FRMPD4: variants seen among roughly 807,000 people sequenced by gnomAD.
FRMPD4 encodes FERM and PDZ domain containing 4.
In FRMPD4, 22 loss-of-function variants were observed where a neutral mutation model predicts 94.1. The observed-to-expected ratio is 0.23, with a 90% CI of 0.17 to 0.33. The LOEUF (loss-of-function observed/expected upper bound fraction) is 0.33, where lower values mean the gene tolerates loss of function less well. Among genes scored for constraint, FRMPD4 ranks in the 10% least tolerant of loss-of-function variants. The pLI, the probability that FRMPD4 is intolerant of heterozygous loss-of-function variation, is 1.00. For synonymous variants in FRMPD4, 631 were observed against 548.6 expected, an observed-to-expected ratio of 1.15 and a Z score of -2.10; for missense variants, 1,111 against 1,339.9, an observed-to-expected ratio of 0.83 and a Z score of 2.67.
intron 3 of FRMPD4, among the ~76,000 whole-genome samples, chrX:12,133,449 C>G (rs857344): frequency 0.4 from 43,415 of 107,212 alleles, 7,577 homozygotes; most frequent in East Asian, 0.82. Flanking sequence ...TTTTCATATA[C>G]GGTCTCACTC....
chrX:12,287,277 T>C (rs533287582), intron 1 of FRMPD4, among the ~76,000 whole-genome samples: 4 of 111,495 alleles, frequency 3.6e-5, no homozygotes, highest in Middle Eastern at 4.6e-3. Flanking sequence ...GCTAACCAGG[T>C]CCTTGTGAGT....
At chrX:12,230,328 A>G (rs1234930121) in intron 1 of FRMPD4, among the ~76,000 whole-genome samples, 4 of 111,614 alleles carry the variant, frequency 3.6e-5, no homozygotes, top group Non-Finnish European at 7.5e-5. Flanking sequence ...AAACATGACC[A>G]TGCCAGTAAT....
chrX:12,678,215 C>A (rs1028713350), intron 5 of FRMPD4, among the ~76,000 whole-genome samples: 1 of 112,535 alleles, frequency 8.9e-6, no homozygotes, highest in Non-Finnish European at 1.9e-5. Context: ...CCTTAACCAA[C>A]CCCCATCACT....
chrX:12,181,541 A>G (rs1009134275), intron 1 of FRMPD4, among the ~76,000 whole-genome samples: 6 of 111,885 alleles, frequency 5.4e-5, no homozygotes, highest in African/African-American at 9.7e-5. Flanking sequence ...TAGCTTAAAC[A>G]AAAAAGGGAA....
chrX:11,930,107 CAAAAAAAA>C (rs55973946), intron 3 of FRMPD4, among the ~76,000 whole-genome samples: 1 of 13,256 alleles, frequency 7.5e-5, no homozygotes, highest in Non-Finnish European at 1.3e-4. Context: ...GACTCTGTCT[CAAAAAAAA>C]AAAAAAAAAA....
chrX:12,117,343 G>A (rs953356148), intron 3 of FRMPD4, among the ~76,000 whole-genome samples: 1 of 110,641 alleles, frequency 9.0e-6, no homozygotes, highest in Non-Finnish European at 1.9e-5. Flanking sequence ...TGGTTCCATG[G>A]ATATGTTCTT....
At chrX:12,022,412 G>C (rs763148853) in intron 3 of FRMPD4, among the ~76,000 whole-genome samples, 4 of 112,036 alleles carry the variant, frequency 3.6e-5, no homozygotes, top group Non-Finnish European at 7.5e-5. Flanking sequence ...GAGATTTTCA[G>C]TACTAGGGTT....
At chrX:12,369,239 GTT>G (rs1207898626) in intron 1 of FRMPD4, among the ~76,000 whole-genome samples, 7 of 102,188 alleles carry the variant, frequency 6.9e-5, no homozygotes, top group African/African-American at 2.5e-4. Context: ...AATAAACTCA[GTT>G]TTTTTTTTTT....
At chrX:11,866,397 G>A (rs1178344293) in intron 2 of FRMPD4, among the ~76,000 whole-genome samples, 1 of 111,321 alleles carries the variant, frequency 9.0e-6, no homozygotes, top group Non-Finnish European at 1.9e-5. Context: ...AGAACATTGG[G>A]TTTAGGCAAT....
At chrX:12,078,794 C>G (rs376363126) in intron 3 of FRMPD4, among the ~76,000 whole-genome samples, 1 of 111,510 alleles carries the variant, frequency 9.0e-6, no homozygotes, top group East Asian at 2.8e-4. Context: ...CCTCTGCACA[C>G]CACATACCAG....
In FRMPD4 at chrX:11,921,652, G is replaced by A. The variant is rs373514882; in HGVS notation, c.95+43634G>A. Among the ~76,000 whole-genome samples, 22 of 111,907 alleles carry A rather than the reference G, an allele frequency of 2.0e-4. 2 individuals are homozygous for A. Among genetic ancestry groups the A allele is most frequent in the Admixed American group, 1.5e-3 (16 of 10,514 alleles). ...TGGTCCATTTTTCCCTATGCCATAAGAACAGCCCCAAATAGGGACTGATCC... is the reference window on the plus strand; with the variant it reads ...TGGTCCATTTTTCCCTATGCCATAAAAACAGCCCCAAATAGGGACTGATCC... On this transcript the variant is annotated intron_variant, in intron 3 of 18. Transcript: ENST00000640291.
At chrX:12,393,571 G>A (rs1462538761) in intron 1 of FRMPD4, among the ~76,000 whole-genome samples, 2 of 111,904 alleles carry the variant, frequency 1.8e-5, no homozygotes, top group Non-Finnish European at 3.8e-5. Context: ...TTCTAAATGG[G>A]TTATTTGTAC....
chrX:12,695,710 C>T (rs111507425), intron 9 of FRMPD4, among the ~76,000 whole-genome samples: 6,278 of 106,220 alleles, frequency 0.059, 157 homozygotes, highest in Middle Eastern at 0.11. Context: ...GCCTGTAACT[C>T]TTATTATCTT....
intron 2 of FRMPD4, among the ~76,000 whole-genome samples, chrX:12,518,016 G>A (rs2058121874): frequency 8.9e-6 from 1 of 112,149 alleles, no homozygotes; most frequent in Admixed American, 9.4e-5. Flanking sequence ...TGGGCTATGG[G>A]GTATTCCCCC....
At chrX:12,408,647 A>G (rs2056695489) in intron 1 of FRMPD4, among the ~76,000 whole-genome samples, 1 of 111,547 alleles carries the variant, frequency 9.0e-6, no homozygotes, top group Admixed American at 9.6e-5. Flanking sequence ...CCCAGCCCAT[A>G]CTGAAGCTCA....
intron 3 of FRMPD4, among the ~76,000 whole-genome samples, chrX:11,976,274 A>G (rs2054366634): frequency 1.8e-5 from 2 of 112,296 alleles, no homozygotes; most frequent in South Asian, 7.4e-4. Context: ...CACACACAAA[A>G]ATTAAAGACA....
At chrX:12,432,212 G>A (rs990889525) in intron 1 of FRMPD4, among the ~76,000 whole-genome samples, 1 of 111,945 alleles carries the variant, frequency 8.9e-6, no homozygotes, top group African/African-American at 3.2e-5. Context: ...ACTGACCACT[G>A]TAAAAACTAG....
intron 2 of FRMPD4, among the ~76,000 whole-genome samples, chrX:12,550,918 C>T (rs1416017138): frequency 1.5e-5 from 1 of 67,298 alleles, no homozygotes; most frequent in Non-Finnish European, 3.1e-5. Flanking sequence ...TATACGAATA[C>T]ATAAAATATG....
chrX:12,123,123 C>CTTTTTTTTTTTTTTTTTT (rs58251577), intron 3 of FRMPD4, among the ~76,000 whole-genome samples: 2 of 84,328 alleles, frequency 2.4e-5, no homozygotes, highest in Admixed American at 1.4e-4. Context: ...ATTTTCTTTT[C>CTTTTTTTTTTTTTTTTTT]TTTTTTTTTT....
Sources: gnomAD v4.1 joint callset for allele counts (sites outside exome capture counted in the v4.1 genomes callset) on GRCh38, gnomAD v4.1.1 for gene constraint, MANE v1.5 for transcripts, NCBI Gene and HGNC (gene_info 2026-07-23, HGNC 2026-07-21) for gene names.